Variants in CAGE1 observed in about 807,000 individuals in gnomAD.
CAGE1 encodes the protein cancer antigen 1.
Under a neutral mutation model 94.9 loss-of-function variants are expected in CAGE1, and 66 were observed. The ratio of observed to expected loss-of-function variants is 0.70; its 90% confidence interval spans 0.57 to 0.85. CAGE1 has a LOEUF of 0.85. Among genes scored for constraint, CAGE1 ranks in the 40% least tolerant of loss-of-function variants. The pLI is 0.00. For missense variants in CAGE1, 865 were observed against 950.4 expected (o/e 0.91, Z 1.18); for synonymous variants, 319 against 321.0 (o/e 0.99, Z 0.07).
intron 11 of CAGE1, among the ~76,000 whole-genome samples, chr6:7,354,624 C>T (rs74695573): frequency 0.018 from 2,795 of 152,228 alleles, 95 homozygotes; most frequent in African/African-American, 0.064. Flanking sequence ...ACAAATTTTG[C>T]AGTGTTTCAT....
At chr6:7,381,045 A>G (rs1760915101) in intron 3 of CAGE1, among the ~76,000 whole-genome samples, 2 of 152,154 alleles carry the variant, frequency 1.3e-5, no homozygotes, top group South Asian at 4.1e-4. Context: ...GACCTTCTTA[A>G]TGTACATCCT....
At chr6:7,340,841 G>A (rs1759141886) in intron 11 of CAGE1, 4 of 411,660 alleles carry the variant, frequency 9.7e-6, no homozygotes, top group South Asian at 8.6e-5. Context: ...CACTAGCAAA[G>A]CCTGCTTCTG....
chr6:7,379,130 A>G (rs1760853898), intron 3 of CAGE1, 110 bp from the exon 4 acceptor site: 1 of 678,234 alleles, frequency 1.5e-6, no homozygotes, highest in African/African-American at 1.8e-5. Context: ...TAAAAATTAT[A>G]TATTATTTCA....
chr6:7,368,955 T>C (rs1760447352), intron 6 of CAGE1, among the ~76,000 whole-genome samples, 157 bp from the exon 7 acceptor site: 1 of 151,706 alleles, frequency 6.6e-6, no homozygotes, highest in Non-Finnish European at 1.5e-5. Context: ...CAATTACTTA[T>C]CAGAAGGCAT....
chr6:7,346,870 A>G (rs145169994), intron 11 of CAGE1, among the ~76,000 whole-genome samples: 20 of 57,376 alleles, frequency 3.5e-4, no homozygotes, highest in Non-Finnish European at 5.0e-4. Flanking sequence ...AAAAAAAAAA[A>G]GAAGAAAGAA....
At chr6:7,344,600 G>A (rs1456269326) in intron 11 of CAGE1, among the ~76,000 whole-genome samples, 5 of 152,114 alleles carry the variant, frequency 3.3e-5, no homozygotes, top group South Asian at 2.1e-4. Flanking sequence ...TGAGGAGTGC[G>A]GGCGTACGGC....
At chr6:7,354,815 T>C (rs1340307204) in intron 11 of CAGE1, among the ~76,000 whole-genome samples, 1 of 152,206 alleles carries the variant, frequency 6.6e-6, no homozygotes, top group Non-Finnish European at 1.5e-5. Flanking sequence ...CATCACCCCT[T>C]TAAATCAAAG....
chr6:7,339,156 AC>A lies in CAGE1; in HGVS notation c.2370-5067del. On this transcript the variant is annotated intron_variant, in intron 11 of 13. Coordinates refer to ENST00000502583, the MANE Select transcript of CAGE1 (RefSeq NM_001170692.2). The surrounding 1 kb of genome is among the most constrained non-coding windows in gnomAD (Gnocchi z 4.7). ...TCTCTGTCCTCAGAGTTTCCCAGAC[AC>A]CACGACCTCACAGCCTTTGGCCCCA... is the stretch of plus-strand genomic sequence containing the variant. 1 of 1,526,260 alleles carries A rather than the reference AC, an allele frequency of 6.6e-7. No homozygotes were observed. Among genetic ancestry groups the A allele is most frequent in the South Asian group, 1.1e-5 (1 of 89,226 alleles). 94.5% of individuals were successfully genotyped at this position (1,526,260 alleles called of 1,614,324 possible).
At chr6:7,380,435 G>A (rs1407524992) in intron 3 of CAGE1, among the ~76,000 whole-genome samples, 4 of 151,972 alleles carry the variant, frequency 2.6e-5, no homozygotes, top group South Asian at 2.1e-4. Context: ...TCAGGAATTC[G>A]AGACCAGCCT....
intron 9 of CAGE1, among the ~76,000 whole-genome samples, chr6:7,363,772 G>A (rs889394541): frequency 2.0e-5 from 3 of 152,286 alleles, no homozygotes; most frequent in Admixed American, 1.3e-4. Context: ...GTGTGTTCAA[G>A]TATTGGTCAA....
chr6:7,379,985 A>G (rs779956013), intron 3 of CAGE1, among the ~76,000 whole-genome samples: 10 of 152,176 alleles, frequency 6.6e-5, no homozygotes, highest in Non-Finnish European at 1.0e-4. Context: ...TTAAACAACC[A>G]CACTTTACTA....
intron 11 of CAGE1, among the ~76,000 whole-genome samples, chr6:7,345,233 C>A (rs186597431): frequency 6.7e-6 from 1 of 148,872 alleles, no homozygotes; most frequent in East Asian, 2.0e-4. Context: ...TACCAGCCTA[C>A]CAAGAAGAAG....
intron 11 of CAGE1, among the ~76,000 whole-genome samples, chr6:7,350,814 G>A (rs1759742276): frequency 6.6e-6 from 1 of 152,092 alleles, no homozygotes; most frequent in Non-Finnish European, 1.5e-5. Context: ...AAGACGGAAA[G>A]AGCACCAACT....
intron 11 of CAGE1, among the ~76,000 whole-genome samples, chr6:7,345,058 T>G (rs528812500): frequency 2.0e-5 from 3 of 152,050 alleles, no homozygotes; most frequent in Non-Finnish European, 4.4e-5. Flanking sequence ...GGCAGATGGC[T>G]GGTGTTGAAA....
chr6:7,368,870 T>C, intron 6 of CAGE1, 72 bp from the exon 7 acceptor site: 1 of 821,478 alleles, frequency 1.2e-6, no homozygotes, highest in Admixed American at 3.1e-5. Context: ...AAACTATGCA[T>C]ATGAAACAAA....
intron 5 of CAGE1, 58 bp downstream of exon 5, chr6:7,373,015 C>A: frequency 8.1e-7 from 1 of 1,227,906 alleles, no homozygotes; most frequent in Non-Finnish European, 1.1e-6. Context: ...ATACGCATCA[C>A]TAGACCACTA....
At chr6:7,346,542 C>T (rs1759548777) in intron 11 of CAGE1, among the ~76,000 whole-genome samples, 1 of 151,554 alleles carries the variant, frequency 6.6e-6, no homozygotes, top group Non-Finnish European at 1.5e-5. Flanking sequence ...GAGCCAGACC[C>T]TGTCTCAAAA....
chr6:7,372,426 G>C (rs1300739423), intron 5 of CAGE1, among the ~76,000 whole-genome samples: 1 of 149,480 alleles, frequency 6.7e-6, no homozygotes, highest in Non-Finnish European at 1.5e-5. Context: ...AGCCAAGATC[G>C]TGTCACTGCA....
In CAGE1 at chr6:7,355,046, A is replaced by T. The variant is rs575215580; in HGVS notation, c.2364T>A (p.Ile788=). The T allele has an allele frequency of 1.2e-6, 2 of 1,604,574 alleles. No individual in the cohort carries two copies. Among genetic ancestry groups the T allele is most frequent in the Admixed American group, 3.4e-5 (2 of 59,630 alleles). ...GATTCGTTTTTTCAACTTACTGTGC[A>T]ATCTGGGAGTGGGATATTGCAAGCC... ...DQRLAISHSQ[I]AHLEERNKHL... The change falls in exon 11 of 14, where the codon ATT becomes ATA. Residue 788 remains isoleucine (I), a synonymous_variant. Coordinates refer to ENST00000502583, the MANE Select transcript of CAGE1 (RefSeq NM_001170692.2).
Sources: gnomAD v4.1 joint callset for allele counts (sites outside exome capture counted in the v4.1 genomes callset) on GRCh38, gnomAD v4.1.1 for gene constraint, Gnocchi (gnomAD v3.1) non-coding constraint, MANE v1.5 for transcripts, NCBI Gene and HGNC (gene_info 2026-07-23, HGNC 2026-07-21) for gene names.